The following OPRL1 variants were observed in gnomAD, a reference collection of about 807,000 sequenced individuals.
OPRL1 encodes nociceptin receptor.
Under a neutral mutation model 15.5 loss-of-function variants are expected in OPRL1, and 5 were observed. The ratio of observed to expected loss-of-function variants is 0.32; its 90% confidence interval spans 0.17 to 0.68. OPRL1 has a LOEUF of 0.68. OPRL1 is among the 30% of genes least tolerant of loss of function. The pLI is 0.72. For synonymous variants in OPRL1, 223 were observed against 230.2 expected (o/e 0.97, Z 0.28); for missense variants, 406 against 515.3 (o/e 0.79, Z 2.05).
chr20:64,084,491 A>T lies in OPRL1; in HGVS notation c.-185+4139A>T, dbSNP rs1490928220. 3 of 816,638 alleles carry T rather than the reference A, an allele frequency of 3.7e-6. No individual in the cohort carries two copies. The African/African-American group carries it at 5.4e-5, about 15-fold the overall frequency. The allele number at this position is 816,638 out of a possible 1,614,324, so 50.6% of individuals were successfully genotyped here. A position where few individuals can be genotyped will look rare whatever the true frequency, so the allele number is the denominator to read the frequency against. On this transcript the variant is annotated intron_variant, in intron 1 of 4. Coordinates refer to ENST00000336866, the MANE Select transcript of OPRL1 (RefSeq NM_182647.4). ...TCTGATCAACTCAGTTGTAGGAAAT[A>T]TCTTTCCTACCCGATGGACTGTTCT...
At position 64,099,013 on chromosome 20, in the gene OPRL1, C is replaced by T. The variant is rs892932289; in HGVS notation, c.*214C>T. ...ACAGGTCAAAGCATTAGGGCCACCTCCATGGCCCCAGACAGACTAAAGCTG... is the reference window on the plus strand; with the variant it reads ...ACAGGTCAAAGCATTAGGGCCACCTTCATGGCCCCAGACAGACTAAAGCTG... On this transcript the variant is annotated 3_prime_UTR_variant, in exon 5 of 5. Transcript: ENST00000336866. 4 of 653,528 alleles carry T rather than the reference C, an allele frequency of 6.1e-6. No homozygotes were observed. In the Admixed American group the frequency reaches 9.4e-5, roughly 15 times the overall value. The allele number at this position is 653,528 out of a possible 1,614,324, so 40.5% of individuals were successfully genotyped here.
chr20:64,083,312 C>T lies in OPRL1; in HGVS notation c.-185+2960C>T. ...ATGTCTGTGAGGTGCATGGGAGAGG[C>T]AGCGTCCATACTCCCCGCTTCCCTC... On this transcript the variant is annotated intron_variant, in intron 1 of 4. Transcript: ENST00000336866. This position sits in a 1 kb window ranked among gnomAD's most constrained non-coding sequence, Gnocchi z 4.9. 1 of 1,411,986 alleles carries T rather than the reference C, an allele frequency of 7.1e-7. No homozygotes were observed. The allele number at this position is 1,411,986 out of a possible 1,614,324, so 87.5% of individuals were successfully genotyped here.
intron 1 of OPRL1, chr20:64,084,182 G>A (rs1284703865): frequency 2.1e-6 from 3 of 1,448,146 alleles, no homozygotes; most frequent in Admixed American, 2.7e-5. Flanking sequence ...TCGCTCCCGC[G>A]GGCCCTTGCG....
In OPRL1 at chr20:64,098,818, A is replaced by AT; in HGVS notation, c.*20dup. On this transcript the variant is annotated 3_prime_UTR_variant, in exon 5 of 5. Coordinates refer to ENST00000336866, the MANE Select transcript of OPRL1 (RefSeq NM_182647.4). ...CGCATGACTAGGCGTGGACCTGCCC[A>AT]TGGTGCCTGTCAGCCCGCAGAGCCC... 6.4e-7 allele frequency: 1 copy of AT among 1,571,584 alleles called. No individual in the cohort carries two copies.
chr20:64,097,562 G>A lies in OPRL1; in HGVS notation c.234-240G>A, dbSNP rs1340750155. 6.6e-6 allele frequency among the ~76,000 whole-genome samples: 1 copy of A among 152,188 alleles called. No homozygotes were observed. On this transcript the variant is annotated intron_variant, in intron 3 of 4. Coordinates refer to ENST00000336866, the MANE Select transcript of OPRL1 (RefSeq NM_182647.4). The surrounding 1 kb of genome is among the most constrained non-coding windows in gnomAD (Gnocchi z 4.2). ...TAAGGCTTGGAATCCTTCTGTGTGT[G>A]TCAGAGTCACTTGAGGAGCTGGTTA...
At position 64,084,157 on chromosome 20, in the gene OPRL1, C is replaced by T. The variant is rs746750551; in HGVS notation, c.-185+3805C>T. 5 of 1,454,294 alleles carry T rather than the reference C, an allele frequency of 3.4e-6. No individual in the cohort carries two copies. In the South Asian group the frequency reaches 5.4e-5, roughly 16 times the overall value. 90.1% of individuals were successfully genotyped at this position (1,454,294 alleles called of 1,614,324 possible). A position where few individuals can be genotyped will look rare whatever the true frequency, so the allele number is the denominator to read the frequency against. ...GCTCCTCACCCTGCGCCGTGCCTGG[C>T]GCGCTCTTCCCGCTTCGCTCCCGCG... On this transcript the variant is annotated intron_variant, in intron 1 of 4. Coordinates refer to ENST00000336866, the MANE Select transcript of OPRL1 (RefSeq NM_182647.4).
rs1225829426 is a variant in OPRL1 at position 64,083,998 on chromosome 20, C to A, written c.-185+3646C>A. The A allele has an allele frequency of 6.0e-6, 9 of 1,490,208 alleles. No homozygotes were observed. Among genetic ancestry groups the A allele is most frequent in the Non-Finnish European group, 8.0e-6 (9 of 1,128,578 alleles). The allele number at this position is 1,490,208 out of a possible 1,614,324, so 92.3% of individuals were successfully genotyped here. On this transcript the variant is annotated intron_variant, in intron 1 of 4. Coordinates refer to ENST00000336866, the MANE Select transcript of OPRL1 (RefSeq NM_182647.4). This position sits in a 1 kb window ranked among gnomAD's most constrained non-coding sequence, Gnocchi z 4.9. ...ACCCGCACGGGAAGGTGGAGGCCGC[C>A]GCGCCCACGTCCTCCAGCAGGTCGC...
At chr20:64,092,332 G>A (rs947568466) in intron 2 of OPRL1, among the ~76,000 whole-genome samples, 6 of 152,292 alleles carry the variant, frequency 3.9e-5, no homozygotes, top group East Asian at 3.9e-4. Context: ...CTGTGAACAC[G>A]CGAGTGGCTG....
chr20:64,083,497 G>A lies in OPRL1; in HGVS notation c.-185+3145G>A. On this transcript the variant is annotated intron_variant, in intron 1 of 4. Transcript: ENST00000336866. The surrounding 1 kb of genome is among the most constrained non-coding windows in gnomAD (Gnocchi z 4.9). ...AGGATGGTCTCCACGCGCCTCCGCTGCCGGGGAGAGAGGCTGGGGTCCGGC... is the reference window on the plus strand; with the variant it reads ...AGGATGGTCTCCACGCGCCTCCGCTACCGGGGAGAGAGGCTGGGGTCCGGC... The A allele has an allele frequency of 1.3e-6, 2 of 1,588,198 alleles. No homozygotes were observed. The highest frequency in any genetic ancestry group is 1.7e-6 in the Non-Finnish European group (2 of 1,168,640).
Position 64,098,850 on chromosome 20 carries a change from G to T in OPRL1, c.*51G>T. ...CTGTCAGCCCGCAGAGCCCATCTAC[G>T]CCCAACACAGAGCTCACACAGGTCA... is the stretch of plus-strand genomic sequence containing the variant. On this transcript the variant is annotated 3_prime_UTR_variant, in exon 5 of 5. Coordinates refer to ENST00000336866, the MANE Select transcript of OPRL1 (RefSeq NM_182647.4). 1.9e-6 allele frequency: 3 copies of T among 1,540,848 alleles called. No homozygotes were observed. Among genetic ancestry groups the T allele is most frequent in the Non-Finnish European group, 2.6e-6 (3 of 1,149,604 alleles).
chr20:64,092,203 C>A, intron 2 of OPRL1, 87 bp downstream of exon 2: 2 of 155,686 alleles, frequency 1.3e-5, no homozygotes, highest in Non-Finnish European at 1.4e-5. Flanking sequence ...CAGGAGGAAG[C>A]TGGGTCCCAG....
At position 64,083,003 on chromosome 20, in the gene OPRL1, C is replaced by G. The variant is rs965739047; in HGVS notation, c.-185+2651C>G. The stretch of plus-strand genomic sequence containing the variant: ...CAAAGGCCAGCTTAGGTCACTTCCG[C>G]TGCCCACAGCACTGCCCTCTCCCTG... On this transcript the variant is annotated intron_variant, in intron 1 of 4. Transcript: ENST00000336866. This position sits in a 1 kb window ranked among gnomAD's most constrained non-coding sequence, Gnocchi z 4.9. Among the ~76,000 whole-genome samples, 1 of 152,120 alleles carries G rather than the reference C, an allele frequency of 6.6e-6. No homozygotes were observed. Among genetic ancestry groups the G allele is most frequent in the Non-Finnish European group, 1.5e-5 (1 of 68,028 alleles).
rs971916257 is a variant in OPRL1 at position 64,084,105 on chromosome 20, G to A, written c.-185+3753G>A. 5.4e-6 allele frequency: 8 copies of A among 1,474,832 alleles called. No individual in the cohort carries two copies. In the African/African-American group the frequency reaches 1.0e-4, roughly 19 times the overall value. 91.4% of individuals were successfully genotyped at this position (1,474,832 alleles called of 1,614,324 possible). On this transcript the variant is annotated intron_variant, in intron 1 of 4. Transcript: ENST00000336866. ...GTCAGGGCCCAGCCCGGCTTGGGGG[G>A]CTCTGTCGCGGGCGCCCCCTTGGCA...
chr20:64,082,703 C>A (rs2059980562), intron 1 of OPRL1, among the ~76,000 whole-genome samples: 1 of 152,112 alleles, frequency 6.6e-6, no homozygotes, highest in Admixed American at 6.5e-5. Context: ...GCCCAGAAAC[C>A]TCGGGGCTTT....
In OPRL1 at chr20:64,100,418, A is replaced by G; in HGVS notation, c.*1619A>G. 6.6e-6 allele frequency: 1 copy of G among 152,374 alleles called. No individual in the cohort carries two copies. Among genetic ancestry groups the G allele is most frequent in the Non-Finnish European group, 1.5e-5 (1 of 68,056 alleles). The allele number at this position is 152,374 out of a possible 1,614,324, so 9.4% of individuals were successfully genotyped here. A position where few individuals can be genotyped will look rare whatever the true frequency, so the allele number is the denominator to read the frequency against. On this transcript the variant is annotated 3_prime_UTR_variant, in exon 5 of 5. Transcript: ENST00000336866. ...TTCTGGGGAGGCTCATGCTGTCTCC[A>G]TGACGTCTGTGGCAGGAGTCCCTGA...
intron 1 of OPRL1, chr20:64,084,148 C>T (rs1157900781): frequency 1.4e-5 from 20 of 1,456,424 alleles, no homozygotes; most frequent in Non-Finnish European, 1.8e-5. Context: ...CACCCTGCGC[C>T]GTGCCTGGCG....
Position 64,100,036 on chromosome 20 carries a change from G to C in OPRL1, c.*1237G>C, listed in dbSNP as rs1267444393. ...TGGCTTCACAGCAGAGCCAGCATGAGGGGTGGGGCCTGGCAGGGCTTGCTT... is the reference window on the plus strand; with the variant it reads ...TGGCTTCACAGCAGAGCCAGCATGACGGGTGGGGCCTGGCAGGGCTTGCTT... On this transcript the variant is annotated 3_prime_UTR_variant, in exon 5 of 5. Transcript: ENST00000336866. The C allele has an allele frequency of 6.6e-6, 1 of 152,156 alleles. No homozygotes were observed. Among genetic ancestry groups the C allele is most frequent in the Non-Finnish European group, 1.5e-5 (1 of 68,096 alleles). 9.4% of individuals were successfully genotyped at this position (152,156 alleles called of 1,614,324 possible).
Position 64,098,962 on chromosome 20 carries a change from AGAG to A in OPRL1, c.*169_*171del, listed in dbSNP as rs1403292172. 1.0e-5 allele frequency: 10 copies of A among 971,298 alleles called. No homozygotes were observed. The highest frequency in any genetic ancestry group is 1.7e-5 in the South Asian group (1 of 57,972). 60.2% of individuals were successfully genotyped at this position (971,298 alleles called of 1,614,324 possible). A position where few individuals can be genotyped will look rare whatever the true frequency, so the allele number is the denominator to read the frequency against. ...CTGTGGGCCAGGGATGCTCGGTCCCAGAGGAGGACCTAGTGACATCATGGGACA... is the reference window on the plus strand; with the variant it reads ...CTGTGGGCCAGGGATGCTCGGTCCCAGAGGACCTAGTGACATCATGGGACA... On this transcript the variant is annotated 3_prime_UTR_variant, in exon 5 of 5. Coordinates refer to ENST00000336866, the MANE Select transcript of OPRL1 (RefSeq NM_182647.4).
At position 64,083,914 on chromosome 20, in the gene OPRL1, C is replaced by G. The variant is rs532442708; in HGVS notation, c.-185+3562C>G. 323 of 1,448,954 alleles carry G rather than the reference C, an allele frequency of 2.2e-4. 4 individuals are homozygous for G. In the South Asian group the frequency reaches 4.1e-3, roughly 18 times the overall value. The allele number at this position is 1,448,954 out of a possible 1,614,324, so 89.8% of individuals were successfully genotyped here. ...GGAGCCGGTTCTGGCGCTCGGCGGGCAGCTCGAGCGACTGCGTCCACGGGC... is the reference window on the plus strand; with the variant it reads ...GGAGCCGGTTCTGGCGCTCGGCGGGGAGCTCGAGCGACTGCGTCCACGGGC... On this transcript the variant is annotated intron_variant, in intron 1 of 4. Transcript: ENST00000336866. This position sits in a 1 kb window ranked among gnomAD's most constrained non-coding sequence, Gnocchi z 4.9.
Sources: allele counts gnomAD v4.1 joint callset (sites outside exome capture counted in the v4.1 genomes callset), GRCh38; gene constraint gnomAD v4.1.1; non-coding constraint Gnocchi (gnomAD v3.1); transcripts MANE v1.5; gene names NCBI Gene and HGNC (gene_info 2026-07-23, HGNC 2026-07-21).